RFTN1: variants seen among roughly 807,000 people sequenced by gnomAD.
RFTN1 encodes the protein raftlin, lipid raft linker 1, also known as raftlin.
RFTN1 carries 26 observed loss-of-function variants against 46.5 expected under a neutral mutation model. The observed-to-expected ratio is 0.56, with a 90% CI of 0.41 to 0.78. RFTN1 has a LOEUF of 0.78. Ranked by LOEUF, RFTN1 falls within the 30% of genes least tolerant of loss-of-function variation. The probability of loss-of-function intolerance (pLI) is 0.00; values close to 1 mark genes in which losing one functional copy is unlikely to be tolerated. For missense variants in RFTN1, 693 were observed against 718.7 expected, an observed-to-expected ratio of 0.96 and a Z score of 0.41; for synonymous variants, 261 against 284.2, an observed-to-expected ratio of 0.92 and a Z score of 0.82.
At chr3:16,492,012 A>T (rs995509031) in intron 2 of RFTN1, among the ~76,000 whole-genome samples, 1 of 152,212 alleles carries the variant, frequency 6.6e-6, no homozygotes, top group Non-Finnish European at 1.5e-5. Context: ...ATGTTACATT[A>T]GCTATATTAG....
At chr3:16,510,686 T>G (rs2076883054) in intron 1 of RFTN1, among the ~76,000 whole-genome samples, 1 of 152,184 alleles carries the variant, frequency 6.6e-6, no homozygotes, top group African/African-American at 2.4e-5. Context: ...GACTGTAAAA[T>G]GGTATAACCA....
At chr3:16,360,064 C>T (rs1255814805) in intron 6 of RFTN1, among the ~76,000 whole-genome samples, 1 of 151,914 alleles carries the variant, frequency 6.6e-6, no homozygotes, top group Non-Finnish European at 1.5e-5. Flanking sequence ...ATATAAAAAG[C>T]TTTTATAGTT....
At chr3:16,434,406 ACCC>A (rs369279056) in intron 2 of RFTN1, among the ~76,000 whole-genome samples, 3 of 149,816 alleles carry the variant, frequency 2.0e-5, no homozygotes, top group Admixed American at 2.0e-4. Flanking sequence ...AAACAAAAAA[ACCC>A]CCTCAAAATT....
intron 7 of RFTN1, chr3:16,349,295 G>C (rs1400298848): frequency 6.6e-6 from 1 of 152,244 alleles, no homozygotes; most frequent in African/African-American, 2.4e-5. Context: ...AGGTGGACTT[G>C]TCACCCTAAG....
chr3:16,401,224 G>A (rs570745223), intron 4 of RFTN1, among the ~76,000 whole-genome samples: 2 of 152,072 alleles, frequency 1.3e-5, no homozygotes, highest in South Asian at 2.1e-4. Context: ...TTGGGAGGCT[G>A]AGGCAGGAGG....
Position 16,334,296 on chromosome 3 carries a change from C to T in RFTN1, c.1147-7420G>A, listed in dbSNP as rs2070641395. 6.6e-6 allele frequency among the ~76,000 whole-genome samples: 1 copy of T among 152,202 alleles called. No homozygotes were observed. Among genetic ancestry groups the T allele is most frequent in the Non-Finnish European group, 1.5e-5 (1 of 68,034 alleles). ...CCAAGGCCGTGGGGAAGCATGCGTT[C>T]TTGTACATTGCTAGTGGAAGGGCTC... On this transcript the variant is annotated intron_variant, in intron 7 of 9. Coordinates refer to ENST00000334133, the MANE Select transcript of RFTN1 (RefSeq NM_015150.2). This position sits in a 1 kb window ranked among gnomAD's most constrained non-coding sequence, Gnocchi z 4.3.
chr3:16,386,752 G>A (rs1326946926), intron 4 of RFTN1, among the ~76,000 whole-genome samples: 1 of 149,714 alleles, frequency 6.7e-6, no homozygotes, highest in Non-Finnish European at 1.5e-5. Flanking sequence ...GGTATGGATC[G>A]AGGTGGGGGT....
Position 16,318,263 on chromosome 3 carries a change from C to T in RFTN1, c.1333-1031G>A, listed in dbSNP as rs988092214. ...CACGTGGGGTTTTAGTTTTCAGTTC[C>T]CACCATGGCCACTTCCTTGTGCTTC... On this transcript the variant is annotated intron_variant, in intron 9 of 9. Transcript: ENST00000334133. Among the ~76,000 whole-genome samples the T allele has an allele frequency of 7.2e-5, 11 of 152,228 alleles. 2 individuals carry two copies. Among genetic ancestry groups the T allele is most frequent in the Admixed American group, 1.3e-4 (2 of 15,282 alleles).
At chr3:16,493,317 C>T (rs952046617) in intron 2 of RFTN1, among the ~76,000 whole-genome samples, 3 of 151,918 alleles carry the variant, frequency 2.0e-5, no homozygotes, top group Non-Finnish European at 4.4e-5. Flanking sequence ...CTGCAACCTC[C>T]GCCTCGTGGG....
chr3:16,466,946 T>C lies in RFTN1; in HGVS notation c.145+26779A>G, dbSNP rs754358056. On this transcript the variant is annotated intron_variant, in intron 2 of 9. Transcript: ENST00000334133. This position sits in a 1 kb window ranked among gnomAD's most constrained non-coding sequence, Gnocchi z 5.6. ...AAGGTCACTCTGATTGAAGAGGAGA[T>C]GGTTAGTAGGGGGATGGATGCAAAG... is the stretch of plus-strand genomic sequence containing the variant. Among the ~76,000 whole-genome samples the C allele has an allele frequency of 7.9e-5, 12 of 151,960 alleles. No homozygotes were observed. The highest frequency in any genetic ancestry group is 1.8e-4 in the Non-Finnish European group (12 of 67,988).
chr3:16,338,137 A>G lies in RFTN1; in HGVS notation c.1147-11261T>C, dbSNP rs560248556. On this transcript the variant is annotated intron_variant, in intron 7 of 9. Transcript: ENST00000334133. This position sits in a 1 kb window ranked among gnomAD's most constrained non-coding sequence, Gnocchi z 5.3. ...ACGCTGGGTGATCTGGTCCTGGTACATGCGGTTTCTCTAACGTCAGTTACT... is the reference window on the plus strand; with the variant it reads ...ACGCTGGGTGATCTGGTCCTGGTACGTGCGGTTTCTCTAACGTCAGTTACT... Among the ~76,000 whole-genome samples, 6 of 152,384 alleles carry G rather than the reference A, an allele frequency of 3.9e-5. No individual in the cohort carries two copies. Among genetic ancestry groups the G allele is most frequent in the African/African-American group, 1.4e-4 (6 of 41,586 alleles).
intron 2 of RFTN1, among the ~76,000 whole-genome samples, chr3:16,445,677 T>A (rs1326180484): frequency 6.6e-6 from 1 of 152,080 alleles, no homozygotes; most frequent in Non-Finnish European, 1.5e-5. Context: ...AAGTAAGAAG[T>A]TTTTTATATT....
At position 16,400,346 on chromosome 3, in the gene RFTN1, T is replaced by G. The variant is rs2074570876; in HGVS notation, c.441+9029A>C. 6.6e-6 allele frequency among the ~76,000 whole-genome samples: 1 copy of G among 152,104 alleles called. No individual in the cohort carries two copies. Among genetic ancestry groups the G allele is most frequent in the Non-Finnish European group, 1.5e-5 (1 of 68,008 alleles). On this transcript the variant is annotated intron_variant, in intron 4 of 9. Coordinates refer to ENST00000334133, the MANE Select transcript of RFTN1 (RefSeq NM_015150.2). This position sits in a 1 kb window ranked among gnomAD's most constrained non-coding sequence, Gnocchi z 4.5. ...TCCCCTGTTGACCCTCAGGTCTTGG[T>G]ATGTACACTTCATGGAGCACTCCCC...
intron 3 of RFTN1, among the ~76,000 whole-genome samples, 160 bp from the exon 4 acceptor site, chr3:16,409,643 G>A (rs1484826436): frequency 5.4e-5 from 8 of 147,974 alleles, no homozygotes; most frequent in Admixed American, 2.0e-4. Flanking sequence ...TCAGCCTCCC[G>A]AATAGCTGGG....
Position 16,410,212 on chromosome 3 carries a change from T to TATAC in RFTN1, c.333-730_333-729insGTAT, listed in dbSNP as rs2074955291. ...TTGGTACAATACAGCTTACATGTTATACACACACACACACACACACACACA... is the reference window on the plus strand; with the variant it reads ...TTGGTACAATACAGCTTACATGTTATATACACACACACACACACACACACACACA... On this transcript the variant is annotated intron_variant, in intron 3 of 9. Coordinates refer to ENST00000334133, the MANE Select transcript of RFTN1 (RefSeq NM_015150.2). The surrounding 1 kb of genome is among the most constrained non-coding windows in gnomAD (Gnocchi z 4.6). Among the ~76,000 whole-genome samples, 1 of 141,204 alleles carries TATAC rather than the reference T, an allele frequency of 7.1e-6. No homozygotes were observed. Among genetic ancestry groups the TATAC allele is most frequent in the Non-Finnish European group, 1.5e-5 (1 of 65,558 alleles). 92.6% of individuals were successfully genotyped at this position (141,204 alleles called of 152,430 possible). A position where few individuals can be genotyped will look rare whatever the true frequency, so the allele number is the denominator to read the frequency against.
chr3:16,485,720 T>A (rs773760110), intron 2 of RFTN1, among the ~76,000 whole-genome samples: 2 of 152,268 alleles, frequency 1.3e-5, no homozygotes, highest in Admixed American at 1.3e-4. Context: ...TTTACACCTA[T>A]CAGAACTCAT....
At chr3:16,368,394 G>A (rs746074855) in intron 6 of RFTN1, among the ~76,000 whole-genome samples, 3 of 152,162 alleles carry the variant, frequency 2.0e-5, no homozygotes, top group South Asian at 2.1e-4. Context: ...ATATTCGGCC[G>A]GGCACAGTGG....
chr3:16,511,094 A>G (rs2076894069), intron 1 of RFTN1, among the ~76,000 whole-genome samples: 1 of 152,230 alleles, frequency 6.6e-6, no homozygotes, highest in South Asian at 2.1e-4. Context: ...GATGAGATAC[A>G]GGGCAGTGGT....
Position 16,466,802 on chromosome 3 carries a change from A to G in RFTN1, c.145+26923T>C, listed in dbSNP as rs1255381378. 3.3e-5 allele frequency among the ~76,000 whole-genome samples: 5 copies of G among 152,236 alleles called. No homozygotes were observed. On this transcript the variant is annotated intron_variant, in intron 2 of 9. Transcript: ENST00000334133. The surrounding 1 kb of genome is among the most constrained non-coding windows in gnomAD (Gnocchi z 5.6). The stretch of plus-strand genomic sequence containing the variant: ...CACTGAGACACACATACACAGACAC[A>G]CATACGCTTCTCATAGCTGAAAACA...
Sources: allele counts gnomAD v4.1 joint callset (sites outside exome capture counted in the v4.1 genomes callset), GRCh38; gene constraint gnomAD v4.1.1; non-coding constraint Gnocchi (gnomAD v3.1); transcripts MANE v1.5; gene names NCBI Gene and HGNC (gene_info 2026-07-23, HGNC 2026-07-21).